The following REPS2 variants were observed in gnomAD, a reference collection of about 807,000 sequenced individuals.
REPS2 encodes the protein RALBP1 associated Eps domain containing 2.
Under a neutral mutation model 53.6 loss-of-function variants are expected in REPS2, and 23 were observed. The ratio of observed to expected loss-of-function variants is 0.43; its 90% CI spans 0.31 to 0.61. The LOEUF is 0.61. REPS2 is among the 20% of genes least tolerant of loss of function. The probability of loss-of-function intolerance (pLI) is 0.11; values close to 1 mark genes in which losing one functional copy is unlikely to be tolerated. For missense variants in REPS2, 446 were observed against 534.9 expected (o/e 0.83, Z 1.64); for synonymous variants, 238 against 218.6 (o/e 1.09, Z -0.78).
intron 1 of REPS2, among the ~76,000 whole-genome samples, chrX:17,004,557 C>G (rs2061341207): frequency 9.1e-6 from 1 of 110,280 alleles, no homozygotes; most frequent in African/African-American, 3.3e-5. Context: ...AGGAAAGTAA[C>G]CTATGGGCTT....
At chrX:17,081,155 C>A (rs1463586834) in intron 13 of REPS2, among the ~76,000 whole-genome samples, 2 of 111,839 alleles carry the variant, frequency 1.8e-5, no homozygotes. Context: ...TAAAATGAAG[C>A]CCTTGTTTAA....
intron 1 of REPS2, among the ~76,000 whole-genome samples, chrX:16,984,180 A>G (rs367965171): frequency 3.6e-5 from 4 of 112,201 alleles, no homozygotes; most frequent in African/African-American, 1.3e-4. Flanking sequence ...GTTGTCTTCC[A>G]GGGCTGCAGC....
At chrX:17,108,914 A>C (rs1157656808) in intron 14 of REPS2, among the ~76,000 whole-genome samples, 1 of 108,146 alleles carries the variant, frequency 9.2e-6, no homozygotes, top group Non-Finnish European at 1.9e-5. Flanking sequence ...AAGAAACAAC[A>C]GAACTTTTTT....
chrX:17,050,203 T>TTCTTTCTTTC (rs2061979745), intron 6 of REPS2, among the ~76,000 whole-genome samples: 1 of 81,431 alleles, frequency 1.2e-5, no homozygotes, highest in Admixed American at 1.7e-4. Context: ...TCTTTTTTTT[T>TTCTTTCTTTC]TTTTTTTGAC....
intron 1 of REPS2, among the ~76,000 whole-genome samples, chrX:16,969,989 G>C (rs1481750430): frequency 8.9e-6 from 1 of 111,739 alleles, no homozygotes; most frequent in Non-Finnish European, 1.9e-5. Flanking sequence ...TTCAGCCAAC[G>C]TGTAAATATT....
intron 16 of REPS2, chrX:17,138,632 A>T (rs1428241310): frequency 3.7e-6 from 1 of 273,595 alleles, no homozygotes; most frequent in Admixed American, 6.1e-5. Context: ...CTTTTATTCA[A>T]GTTATAAAAT....
intron 17 of REPS2, among the ~76,000 whole-genome samples, chrX:17,144,473 G>GT (rs2063487913): frequency 8.9e-6 from 1 of 112,456 alleles, no homozygotes; most frequent in Non-Finnish European, 1.9e-5. Flanking sequence ...ATTCTCCTAC[G>GT]TAAAATCAAG....
chrX:17,016,402 A>AT (rs935437642), intron 2 of REPS2, among the ~76,000 whole-genome samples: 1 of 110,977 alleles, frequency 9.0e-6, no homozygotes, highest in African/African-American at 3.3e-5. Flanking sequence ...TGAATTTTTA[A>AT]TTTTTTTTAT....
chrX:17,119,950 C>T (rs1428191260), intron 14 of REPS2, among the ~76,000 whole-genome samples: 3 of 100,605 alleles, frequency 3.0e-5, no homozygotes, highest in Non-Finnish European at 5.9e-5. Flanking sequence ...GATTCTGGCT[C>T]GCTGCAACCT....
At chrX:17,129,627 A>G (rs768659165) in intron 14 of REPS2, among the ~76,000 whole-genome samples, 1 of 112,524 alleles carries the variant, frequency 8.9e-6, no homozygotes, top group South Asian at 3.7e-4. Context: ...GTAAATTTGC[A>G]AATGAAAAAC....
At chrX:16,969,145 G>A (rs781419037) in intron 1 of REPS2, among the ~76,000 whole-genome samples, 91 of 105,643 alleles carry the variant, frequency 8.6e-4, no homozygotes, top group Non-Finnish European at 1.4e-3. Flanking sequence ...GGGCAGAGAC[G>A]CTCCTCACTT....
intron 5 of REPS2, among the ~76,000 whole-genome samples, chrX:17,039,279 C>T (rs2061802567): frequency 8.9e-6 from 1 of 111,995 alleles, no homozygotes; most frequent in Admixed American, 9.5e-5. Flanking sequence ...AATCTTGGCC[C>T]CTGAGGGGAG....
chrX:17,167,877 T>C, the REPS2 span, among the ~76,000 whole-genome samples: 1 of 110,675 alleles, frequency 9.0e-6, no homozygotes, highest in Non-Finnish European at 1.9e-5. Flanking sequence ...TACACATTTA[T>C]GAATGTCTGC....
rs144043877 is a variant in REPS2 at position 17,057,267 on chromosome X, A to G, written c.1114+2317A>G. Among the ~76,000 whole-genome samples, 32 of 112,286 alleles carry G rather than the reference A, an allele frequency of 2.8e-4. No individual in the cohort carries two copies. The East Asian group carries it at 8.6e-3, about 30-fold the overall frequency. On this transcript the variant is annotated intron_variant, in intron 8 of 17. Transcript: ENST00000357277. ...AGCCCCTTCCTCATGATGACACCAG[A>G]TTCAAAGTGGCAAATGTCTTATCTA...
chrX:17,172,505 C>T, the REPS2 span, among the ~76,000 whole-genome samples: 3 of 112,001 alleles, frequency 2.7e-5, no homozygotes, highest in African/African-American at 9.7e-5. Flanking sequence ...CCTAGCCATG[C>T]TTCCTGTACA....
At chrX:17,022,080 A>T in intron 2 of REPS2, 43 bp from the exon 3 acceptor site, 1 of 1,139,008 alleles carries the variant, frequency 8.8e-7, no homozygotes. Context: ...TGCAGTTTTT[A>T]AATTAAGTCT....
intron 1 of REPS2, among the ~76,000 whole-genome samples, chrX:17,001,031 T>G (rs1026948398): frequency 1.8e-5 from 2 of 111,742 alleles, no homozygotes; most frequent in African/African-American, 6.5e-5. Context: ...TCACTTAACT[T>G]TCTGAATTGG....
intron 7 of REPS2, among the ~76,000 whole-genome samples, chrX:17,054,049 G>C (rs992944152): frequency 1.8e-5 from 2 of 112,145 alleles, no homozygotes; most frequent in Non-Finnish European, 1.9e-5. Context: ...TAAGCTTATG[G>C]GGTCTTAGAT....
At chrX:17,058,997 TTTTC>T (rs1373615942) in intron 8 of REPS2, among the ~76,000 whole-genome samples, 15 of 109,823 alleles carry the variant, frequency 1.4e-4, no homozygotes, top group South Asian at 7.7e-4. Flanking sequence ...TGTTTTTCTT[TTTTC>T]TTTCTTTCTT....
Sources: gnomAD v4.1 joint callset for allele counts (sites outside exome capture counted in the v4.1 genomes callset) on GRCh38, gnomAD v4.1.1 for gene constraint, MANE v1.5 for transcripts, NCBI Gene and HGNC (gene_info 2026-07-23, HGNC 2026-07-21) for gene names.